The following ELAPOR2 variants were observed in gnomAD, a reference collection of about 807,000 sequenced individuals.
ELAPOR2 encodes endosome-lysosome associated apoptosis and autophagy regulator family member 2.
ELAPOR2 carries 89 observed loss-of-function variants against 120.7 expected under a neutral mutation model. That is an observed-to-expected ratio of 0.74 (90% CI 0.62 to 0.88). The LOEUF (loss-of-function observed/expected upper bound fraction) is 0.88, where lower values mean the gene tolerates loss of function less well. Ranked by LOEUF, ELAPOR2 falls within the 40% of genes least tolerant of loss-of-function variation. ELAPOR2 has a pLI of 0.00. For missense variants in ELAPOR2, 1,134 were observed against 1,251.6 expected (o/e 0.91, Z 1.42); for synonymous variants, 444 against 444.9 (o/e 1.00, Z 0.03).
intron 18 of ELAPOR2, among the ~76,000 whole-genome samples, chr7:86,901,127 T>A (rs1208709615): frequency 1.3e-5 from 2 of 152,204 alleles, no homozygotes; most frequent in African/African-American, 4.8e-5. Context: ...CATGTCAGGC[T>A]AGGATTCTAC....
chr7:86,892,842 G>T, intron 20 of ELAPOR2, 80 bp downstream of exon 20: 1 of 1,239,782 alleles, frequency 8.1e-7, no homozygotes, highest in South Asian at 2.2e-5. Flanking sequence ...TCTATTTATT[G>T]GATATAATGA....
intron 1 of ELAPOR2, among the ~76,000 whole-genome samples, chr7:87,028,686 A>G (rs1365744620): frequency 6.6e-6 from 1 of 152,140 alleles, no homozygotes; most frequent in Non-Finnish European, 1.5e-5. Flanking sequence ...TATTTCCCAC[A>G]TAGCAGCTAG....
In ELAPOR2 at chr7:86,994,599, T is replaced by C. The variant is rs1305483992; in HGVS notation, c.190-29575A>G. Among the ~76,000 whole-genome samples the C allele has an allele frequency of 2.0e-5, 3 of 152,310 alleles. No homozygotes were observed. The East Asian group carries it at 5.8e-4, about 29-fold the overall frequency. ...TTAACACCTTATAACAAGAAAGCCA[T>C]TTCTGAAAAATTTCTCCAGTCACTG... On this transcript the variant is annotated intron_variant, in intron 1 of 21. Transcript: ENST00000450689.
At position 86,914,811 on chromosome 7, in the gene ELAPOR2, T is replaced by C. The variant is rs908499280; in HGVS notation, c.1643A>G (p.Lys548Arg). Residue 548 changes from lysine to arginine, a missense_variant, in exon 13 of 22, where the codon AAA becomes AGA. Transcript: ENST00000450689. ...GATATGGGTGTAAGCTTGTTTTTCT[T>C]TGGTTCCACCCCACGATTCTACCAC... ...TNVVESWGGT[K>R]EKQAYTHIIF... 1 of 1,612,692 alleles carries C rather than the reference T, an allele frequency of 6.2e-7. No homozygotes were observed. The highest frequency in any genetic ancestry group is 8.5e-7 in the Non-Finnish European group (1 of 1,179,204).
intron 17 of ELAPOR2, 51 bp downstream of exon 17, chr7:86,908,396 T>C (rs750196091): frequency 2.2e-6 from 2 of 924,382 alleles, no homozygotes; most frequent in Non-Finnish European, 3.4e-6. Flanking sequence ...TCCATATATA[T>C]AAGTTTCTTT....
chr7:86,898,425 G>A (rs563535720), intron 18 of ELAPOR2, among the ~76,000 whole-genome samples: 5 of 152,130 alleles, frequency 3.3e-5, no homozygotes, highest in South Asian at 2.1e-4. Flanking sequence ...AACTGACTGC[G>A]GTGGTGGTTG....
At chr7:86,959,095 T>C (rs1234379777) in intron 2 of ELAPOR2, among the ~76,000 whole-genome samples, 2 of 152,218 alleles carry the variant, frequency 1.3e-5, no homozygotes, top group Non-Finnish European at 1.5e-5. Flanking sequence ...ATACATAGGA[T>C]TGTTTTCTTG....
rs181845146 is a variant in ELAPOR2 at position 87,038,775 on chromosome 7, G to A, written c.189+20550C>T. 2.2e-4 allele frequency among the ~76,000 whole-genome samples: 34 copies of A among 151,994 alleles called. No individual in the cohort carries two copies. In the East Asian group the frequency reaches 6.2e-3, roughly 28 times the overall value. On this transcript the variant is annotated intron_variant, in intron 1 of 21. Transcript: ENST00000450689. ...AAACACAACATACCAAAACTTATGG[G>A]ATACAACAAAAGCAGTATTAAGAGG...
intron 1 of ELAPOR2, among the ~76,000 whole-genome samples, chr7:86,999,162 A>G (rs12112973): frequency 6.6e-6 from 1 of 151,632 alleles, no homozygotes; most frequent in South Asian, 2.1e-4. Flanking sequence ...TGAAAAAAAG[A>G]AAAAAAAAGA....
rs528612183 is a variant in ELAPOR2 at position 86,909,801 on chromosome 7, A to T, written c.2359+11T>A. On this transcript the variant is annotated intron_variant, in intron 16 of 21. Transcript: ENST00000450689. ...ATGTATGCATGCATATATGAACCAA[A>T]GGAAGCTTACCTATGAATGTATCTG... 7.1e-5 allele frequency: 113 copies of T among 1,596,226 alleles called. No individual in the cohort carries two copies. In the South Asian group the frequency reaches 1.3e-3, roughly 18 times the overall value.
intron 1 of ELAPOR2, among the ~76,000 whole-genome samples, chr7:86,998,201 A>G (rs373210976): frequency 1.5e-4 from 23 of 152,222 alleles, no homozygotes; most frequent in African/African-American, 5.1e-4. Context: ...GAATTCATCA[A>G]GAAGGTATTC....
intron 5 of ELAPOR2, among the ~76,000 whole-genome samples, chr7:86,941,557 TATCAC>T (rs1490787806): frequency 4.6e-5 from 7 of 152,084 alleles, no homozygotes; most frequent in Non-Finnish European, 8.8e-5. Context: ...CAAGCTTGAA[TATCAC>T]TTGTTGGGCA....
At chr7:86,882,027 T>C (rs1799435787) in intron 21 of ELAPOR2, among the ~76,000 whole-genome samples, 2 of 152,172 alleles carry the variant, frequency 1.3e-5, no homozygotes, top group African/African-American at 2.4e-5. Flanking sequence ...CATCATAGCA[T>C]ACACACAAAC....
intron 1 of ELAPOR2, among the ~76,000 whole-genome samples, chr7:87,012,391 A>T (rs1239655979): frequency 3.3e-5 from 5 of 152,196 alleles, no homozygotes; most frequent in African/African-American, 7.2e-5. Context: ...GCCTGGTGAC[A>T]GAGTGAGACT....
At chr7:87,007,653 AGAG>A (rs1214298481) in intron 1 of ELAPOR2, among the ~76,000 whole-genome samples, 1 of 152,194 alleles carries the variant, frequency 6.6e-6, no homozygotes, top group African/African-American at 2.4e-5. Flanking sequence ...TTCTTGGAGA[AGAG>A]AATAATTTGA....
intron 14 of ELAPOR2, 107 bp from the exon 15 acceptor site, chr7:86,912,352 T>C (rs1584340797): frequency 1.6e-6 from 1 of 628,980 alleles, no homozygotes; most frequent in Non-Finnish European, 2.7e-6. Context: ...AGTAATTTAG[T>C]CTTAGCTATA....
chr7:87,047,694 G>C (rs1177996298), intron 1 of ELAPOR2, among the ~76,000 whole-genome samples: 1 of 152,194 alleles, frequency 6.6e-6, no homozygotes, highest in African/African-American at 2.4e-5. Flanking sequence ...AGAATGTAGA[G>C]AAAAGGGAGT....
chr7:86,998,811 A>G (rs1485042256), intron 1 of ELAPOR2, among the ~76,000 whole-genome samples: 1 of 150,932 alleles, frequency 6.6e-6, no homozygotes, highest in African/African-American at 2.4e-5. Flanking sequence ...TAAAAAATCT[A>G]TTCTACCAAT....
chr7:86,904,140 G>A (rs1447751204), intron 18 of ELAPOR2, among the ~76,000 whole-genome samples: 1 of 152,164 alleles, frequency 6.6e-6, no homozygotes, highest in Non-Finnish European at 1.5e-5. Context: ...AAGTCAATGT[G>A]TTTGACTCAA....
Sources: gnomAD v4.1 joint callset for allele counts (sites outside exome capture counted in the v4.1 genomes callset) on GRCh38, gnomAD v4.1.1 for gene constraint, MANE v1.5 for transcripts, NCBI Gene and HGNC (gene_info 2026-07-23, HGNC 2026-07-21) for gene names.